KCTD13: variants seen among roughly 807,000 people sequenced by gnomAD.
KCTD13 encodes BTB/POZ domain-containing adapter for CUL3-mediated RhoA degradation protein 1.
KCTD13 carries 15 observed loss-of-function variants against 32.3 expected under a neutral mutation model. The observed-to-expected ratio is 0.46, with a 90% CI of 0.31 to 0.71. KCTD13 has a LOEUF of 0.71. Ranked by LOEUF, KCTD13 falls within the 30% of genes least tolerant of loss-of-function variation. The pLI is 0.05. For synonymous variants in KCTD13, 189 were observed against 200.1 expected, an observed-to-expected ratio of 0.94 and a Z score of 0.47; for missense variants, 337 against 452.6, an observed-to-expected ratio of 0.74 and a Z score of 2.32.
chr16:29,909,013 T>C (rs2068660058), intron 5 of KCTD13, among the ~76,000 whole-genome samples: 1 of 151,962 alleles, frequency 6.6e-6, no homozygotes, highest in South Asian at 2.1e-4. Flanking sequence ...CTTCCTATCT[T>C]CCCAATCAGA....
At chr16:29,923,424 A>T in intron 1 of KCTD13, 65 bp from the exon 2 acceptor site, 5 of 1,411,544 alleles carry the variant, frequency 3.5e-6, no homozygotes, top group African/African-American at 1.4e-5. Context: ...CTACTAAATT[A>T]AAAAAAAATT....
chr16:29,917,339 G>T (rs2068827671), intron 2 of KCTD13, among the ~76,000 whole-genome samples: 1 of 151,968 alleles, frequency 6.6e-6, no homozygotes, highest in Non-Finnish European at 1.5e-5. Flanking sequence ...ACCCATATAT[G>T]AAAAAAATCC....
rs1396925835 is a variant in KCTD13, at chr16:29,923,379, CA to C, written c.245-21del. 2 of 1,607,466 alleles carry C rather than the reference CA, an allele frequency of 1.2e-6. No homozygotes were observed. Among genetic ancestry groups the C allele is most frequent in the South Asian group, 1.1e-5 (1 of 90,516 alleles). On this transcript the variant is annotated intron_variant, in intron 1 of 5. Transcript: ENST00000568000. ...CCCAACCTAGTGGGGTGGGGAGAGG[CA>C]GGGGGAAAGATGGCTTTGCTGCGGG... is the stretch of plus-strand genomic sequence containing the variant.
chr16:29,908,482 TC>T (rs2068651270), intron 5 of KCTD13, among the ~76,000 whole-genome samples: 3 of 152,104 alleles, frequency 2.0e-5, no homozygotes, highest in Non-Finnish European at 4.4e-5. Flanking sequence ...CTTCCCAAGT[TC>T]AAGCGATTTT....
intron 2 of KCTD13, among the ~76,000 whole-genome samples, chr16:29,912,990 CCT>C (rs1338186468): frequency 1.3e-5 from 2 of 152,150 alleles, no homozygotes; most frequent in South Asian, 2.1e-4. Context: ...TGCCAAAATC[CCT>C]CTCACTTCTC....
At chr16:29,909,769 G>A (rs1028849992) in intron 5 of KCTD13, among the ~76,000 whole-genome samples, 1 of 150,772 alleles carries the variant, frequency 6.6e-6, no homozygotes, top group African/African-American at 2.4e-5. Context: ...GCTCCCTGCT[G>A]CCTCAAATTC....
chr16:29,916,622 G>A (rs955780648), intron 2 of KCTD13, among the ~76,000 whole-genome samples: 1 of 152,208 alleles, frequency 6.6e-6, no homozygotes, highest in African/African-American at 2.4e-5. Context: ...TCAGCATTTT[G>A]GGAGGCCAAG....
intron 2 of KCTD13, chr16:29,922,226 G>A (rs2068926567): frequency 6.6e-6 from 1 of 151,276 alleles, no homozygotes; most frequent in Non-Finnish European, 1.5e-5. Context: ...GAAAAACATG[G>A]ATATTGTCCA....
rs529673172 is a variant in KCTD13 at position 29,924,914 on chromosome 16, C to T, written c.244+876G>A. On this transcript the variant is annotated intron_variant, in intron 1 of 5. Coordinates refer to ENST00000568000, the MANE Select transcript of KCTD13 (RefSeq NM_178863.5). ...TGTATTTTTAGTAGAGACGGGGTTT[C>T]GCCATATTGGTCAGGCTGGTCTCGA... is the stretch of plus-strand genomic sequence containing the variant. Among the ~76,000 whole-genome samples, 75 of 152,144 alleles carry T rather than the reference C, an allele frequency of 4.9e-4. 2 individuals carry two copies. The South Asian group carries it at 0.015, about 30-fold the overall frequency.
rs377576953 is a variant in KCTD13 at position 29,925,870 on chromosome 16, G to A, written c.164C>T (p.Thr55Met). The A allele has an allele frequency of 6.2e-7, 1 of 1,614,120 alleles. No individual in the cohort carries two copies. Among genetic ancestry groups the A allele is most frequent in the Non-Finnish European group, 8.5e-7 (1 of 1,180,002 alleles). ...LNVGGSLHYT[T>M]LRTLTGQDTM... ...GTCCTGTCCCGTGAGGGTGCGCAGC[G>A]TGGTGTAGTGCAACGAGCCGCCCAC... is the stretch of plus-strand genomic sequence containing the variant. The change falls in exon 1 of 6, where the codon ACG becomes ATG. Residue 55 changes from threonine (T) to methionine (M), a missense_variant. Physicochemically the swap from Thr to Met is moderately conservative, Grantham distance 81 (BLOSUM62 -1). Transcript: ENST00000568000.
Position 29,912,043 on chromosome 16 carries a change from T to A in KCTD13, c.421A>T (p.Arg141Trp). The A allele has an allele frequency of 6.2e-7, 1 of 1,601,278 alleles. No homozygotes were observed. The highest frequency in any genetic ancestry group is 8.5e-7 in the Non-Finnish European group (1 of 1,173,220). ...AGGCACAGCGGGGACAGCGTCTCCC[T>A]TTTTTGCTGGGGAAGAAGCGGAAGG... ...EDCQLALQQK[R>W]ETLSPLCLIP... Residue 141 changes from arginine to tryptophan, a missense_variant, in exon 3 of 6, where the codon AGG becomes TGG. Physicochemically the swap from Arg to Trp is moderately radical, Grantham distance 101. Around this residue, in one of 3 missense-constraint regions of KCTD13, gnomAD observed 252 missense variants for 340.2 expected, o/e 0.74. Coordinates refer to ENST00000568000, the MANE Select transcript of KCTD13 (RefSeq NM_178863.5).
chr16:29,913,007 C>A (rs1360525764), intron 2 of KCTD13: 3 of 152,162 alleles, frequency 2.0e-5, no homozygotes, highest in Non-Finnish European at 4.4e-5. Flanking sequence ...CTTCTCCCAA[C>A]CTTGAAAACT....
chr16:29,923,867 T>G (rs1291560414), intron 1 of KCTD13, among the ~76,000 whole-genome samples: 2 of 118,724 alleles, frequency 1.7e-5, no homozygotes, highest in African/African-American at 3.2e-5. Flanking sequence ...AACAAAAAAA[T>G]AAAAAAAGAA....
chr16:29,920,511 G>A (rs2068890347), intron 2 of KCTD13: 2 of 152,000 alleles, frequency 1.3e-5, no homozygotes, highest in Admixed American at 6.6e-5. Context: ...ATTATCCCTA[G>A]GAACTAAACT....
At position 29,923,331 on chromosome 16, in the gene KCTD13, A is replaced by AT; in HGVS notation, c.272_273insA (p.His92SerfsTer40). Reference sequence around the variant, plus strand: ...GGTAATTGAGGATTGTACCAAAGTGACGGCCGCTCCGGTCAATCAGCACCC... The same window carrying AT: ...GGTAATTGAGGATTGTACCAAAGTGATCGGCCGCTCCGGTCAATCAGCACCC... On this transcript the variant is annotated frameshift_variant, in exon 2 of 6. Coordinates refer to ENST00000568000, the MANE Select transcript of KCTD13 (RefSeq NM_178863.5). LOFTEE classifies it high-confidence loss of function. 6.2e-7 allele frequency: 1 copy of AT among 1,614,080 alleles called. No homozygotes were observed. Among genetic ancestry groups the AT allele is most frequent in the Non-Finnish European group, 8.5e-7 (1 of 1,180,004 alleles).
intron 5 of KCTD13, 66 bp from the exon 6 acceptor site, chr16:29,907,174 C>G: frequency 1.7e-6 from 2 of 1,149,270 alleles, no homozygotes; most frequent in Non-Finnish European, 2.5e-6. Flanking sequence ...ATCCCCCTGC[C>G]TAGGGCCCCT....
rs762811818 is a variant in KCTD13, at chr16:29,911,881, G to A, written c.505-14C>T. ...CTTCACCACGGGCTGGCGGGGGAGAGAGGATGGACGAGAGGGGTGAGGCTG... is the reference window on the plus strand; with the variant it reads ...CTTCACCACGGGCTGGCGGGGGAGAAAGGATGGACGAGAGGGGTGAGGCTG... On this transcript the variant is annotated splice_polypyrimidine_tract_variant and intron_variant, in intron 3 of 5. Transcript: ENST00000568000. 4.3e-6 allele frequency: 7 copies of A among 1,611,978 alleles called. No homozygotes were observed. Among genetic ancestry groups the A allele is most frequent in the Non-Finnish European group, 5.1e-6 (6 of 1,178,928 alleles).
chr16:29,906,458 G>A lies in KCTD13; in HGVS notation c.*414C>T, dbSNP rs1338716454. On this transcript the variant is annotated 3_prime_UTR_variant, in exon 6 of 6. Transcript: ENST00000568000. ...GCCAGTCTAGTACAAAGTTAAGGAG[G>A]TAGGGAGGATGGTGGGGAGGAGGGG... The A allele has an allele frequency of 4.3e-6, 2 of 462,090 alleles. No individual in the cohort carries two copies. Among genetic ancestry groups the A allele is most frequent in the Non-Finnish European group, 8.6e-6 (2 of 231,498 alleles). The allele number at this position is 462,090 out of a possible 1,614,324, so 28.6% of individuals were successfully genotyped here. A position where few individuals can be genotyped will look rare whatever the true frequency, so the allele number is the denominator to read the frequency against.
chr16:29,916,839 A>G (rs534230875), intron 2 of KCTD13, among the ~76,000 whole-genome samples: 1 of 152,334 alleles, frequency 6.6e-6, no homozygotes, highest in East Asian at 1.9e-4. Flanking sequence ...GGCTGCAGTC[A>G]TCAGAAGGTT....
Sources: gnomAD v4.1 joint callset for allele counts (sites outside exome capture counted in the v4.1 genomes callset) on GRCh38, gnomAD v4.1.1 for gene constraint, gnomAD v4.1.1 regional missense constraint, MANE v1.5 for transcripts, NCBI Gene and HGNC (gene_info 2026-07-23, HGNC 2026-07-21) for gene names.